The following MOCOS variants were observed in gnomAD, a reference collection of about 807,000 sequenced individuals.
MOCOS encodes human molybdenum cofactor sulfurase.
A neutral mutation model predicts 83.6 loss-of-function variants in MOCOS; 86 were observed. The observed-to-expected ratio is 1.03, with a 90% CI of 0.86 to 1.23. The LOEUF is 1.23. Ranked by LOEUF, MOCOS falls within the 50% of genes most tolerant of loss-of-function variation. MOCOS has a pLI of 0.00. For missense variants in MOCOS, 1,120 were observed against 1,126.9 expected, an observed-to-expected ratio of 0.99 and a Z score of 0.09; for synonymous variants, 445 against 434.7, an observed-to-expected ratio of 1.02 and a Z score of -0.29.
intron 9 of MOCOS, among the ~76,000 whole-genome samples, chr18:36,223,686 A>C (rs571123819): frequency 6.6e-6 from 1 of 152,204 alleles, no homozygotes; most frequent in Non-Finnish European, 1.5e-5. Context: ...TTTGGGCTCT[A>C]TAGACATTTT....
At chr18:36,264,322 G>C (rs1251169579) in intron 13 of MOCOS, among the ~76,000 whole-genome samples, 1 of 152,208 alleles carries the variant, frequency 6.6e-6, no homozygotes, top group African/African-American at 2.4e-5. Context: ...GGCTGCTAGA[G>C]GCTGGGGCTG....
chr18:36,195,734 G>A (rs1375151068), intron 2 of MOCOS, among the ~76,000 whole-genome samples: 1 of 152,252 alleles, frequency 6.6e-6, no homozygotes, highest in East Asian at 1.9e-4. Flanking sequence ...GTGGGGGACA[G>A]TGCTATAATG....
At chr18:36,196,020 C>G (rs1217246802) in intron 2 of MOCOS, among the ~76,000 whole-genome samples, 1 of 152,210 alleles carries the variant, frequency 6.6e-6, no homozygotes, top group Non-Finnish European at 1.5e-5. Flanking sequence ...AGGGTAACAG[C>G]CTGAGCCAAG....
rs1271005105 is a variant in MOCOS at position 36,257,067 on chromosome 18, A to G, written c.2264A>G (p.Asn755Ser). 53 of 1,612,990 alleles carry G rather than the reference A, an allele frequency of 3.3e-5. No homozygotes were observed. The highest frequency in any genetic ancestry group is 4.3e-5 in the Non-Finnish European group (51 of 1,179,078). Reference protein sequence around the residue: ...SSILELHRQLNTSDENGKEEL... With the variant: ...SSILELHRQLSTSDENGKEEL... ...ATTTTGGAACTTCACCGGCAACTAA[A>G]CACCAGGTAAGACCTCATACCTCGG... is the stretch of plus-strand genomic sequence containing the variant. Residue 755 changes from asparagine (N) to serine (S), a missense_variant, in exon 12 of 15, where the codon AAC becomes AGC. Coordinates refer to ENST00000261326, the MANE Select transcript of MOCOS (RefSeq NM_017947.4).
At chr18:36,246,044 A>G (rs2091600961) in intron 9 of MOCOS, among the ~76,000 whole-genome samples, 1 of 151,636 alleles carries the variant, frequency 6.6e-6, no homozygotes, top group African/African-American at 2.4e-5. Context: ...ATTTTTTTAA[A>G]TTTCTTTAAA....
Position 36,199,930 on chromosome 18 carries a change from C to G in MOCOS, c.547C>G (p.Arg183Gly), listed in dbSNP as rs149743314. The G allele has an allele frequency of 1.2e-6, 2 of 1,614,078 alleles. No individual in the cohort carries two copies. The highest frequency in any genetic ancestry group is 2.7e-5 in the African/African-American group (2 of 74,934). The change falls in exon 4 of 15, where the codon CGT becomes GGT. Residue 183 changes from arginine to glycine, a missense_variant. Physicochemically the swap from Arg to Gly is moderately radical, Grantham distance 125. Transcript: ENST00000261326. ...RPEDLWSAEE[R>G]SASASNPDCQ... ...AGAGGACCTGTGGTCTGCAGAGGAA[C>G]GTAGTGCTTCAGCCAGCAACCCAGA...
chr18:36,242,523 T>G (rs1305576910), intron 9 of MOCOS, among the ~76,000 whole-genome samples: 1 of 152,214 alleles, frequency 6.6e-6, no homozygotes, highest in Non-Finnish European at 1.5e-5. Flanking sequence ...AGTATCTTTG[T>G]AGCCATGCCC....
intron 6 of MOCOS, 22 bp downstream of exon 6, chr18:36,205,298 C>A: frequency 6.3e-7 from 1 of 1,599,908 alleles, no homozygotes; most frequent in Non-Finnish European, 8.6e-7. Context: ...TTCCATCCTG[C>A]TGACTTTATT....
chr18:36,233,496 A>G (rs1249522064), intron 9 of MOCOS, among the ~76,000 whole-genome samples: 1 of 152,198 alleles, frequency 6.6e-6, no homozygotes, highest in Non-Finnish European at 1.5e-5. Flanking sequence ...TGCTATAAAC[A>G]TATGTGCACA....
chr18:36,258,415 C>T (rs948798927), intron 12 of MOCOS, among the ~76,000 whole-genome samples: 2 of 152,100 alleles, frequency 1.3e-5, no homozygotes, highest in African/African-American at 4.8e-5. Flanking sequence ...GAGAGTTGAT[C>T]CAGAATCAAA....
At chr18:36,241,834 G>A (rs753597262) in intron 9 of MOCOS, among the ~76,000 whole-genome samples, 59 of 152,344 alleles carry the variant, frequency 3.9e-4, no homozygotes, top group Admixed American at 9.1e-4. Flanking sequence ...AAGCCACCAA[G>A]GCTTGGGGCT....
intron 11 of MOCOS, 80 bp downstream of exon 11, chr18:36,251,363 A>G: frequency 1.3e-6 from 2 of 1,548,938 alleles, no homozygotes; most frequent in African/African-American, 1.4e-5. Flanking sequence ...CATGAACTGC[A>G]CTTACGGGTG....
In MOCOS at chr18:36,251,251, CT is replaced by C. The variant is rs2091620698; in HGVS notation, c.2133del (p.Gln712LysfsTer23). On this transcript the variant is annotated frameshift_variant, in exon 11 of 15. Transcript: ENST00000261326. LOFTEE classifies it high-confidence loss of function. ...PCHLIKQSSN[S>X]QRNAKKKHGK... is the part of the protein sequence containing the mutation. ...CATTTGATCAAACAAAGTTCAAACTCTCAAAGGAATGCAAAGAAGAAACATG... is the reference window on the plus strand; with the variant it reads ...CATTTGATCAAACAAAGTTCAAACTCCAAAGGAATGCAAAGAAGAAACATG... 6.2e-7 allele frequency: 1 copy of C among 1,614,050 alleles called. No homozygotes were observed. Among genetic ancestry groups the C allele is most frequent in the African/African-American group, 1.3e-5 (1 of 75,012 alleles).
At chr18:36,225,967 C>A (rs1323800318) in intron 9 of MOCOS, among the ~76,000 whole-genome samples, 1 of 148,948 alleles carries the variant, frequency 6.7e-6, no homozygotes, top group Non-Finnish European at 1.5e-5. Context: ...TAAGACCTAA[C>A]ATGATCTATC....
intron 9 of MOCOS, among the ~76,000 whole-genome samples, chr18:36,232,216 C>T (rs2091541046): frequency 6.6e-6 from 1 of 152,190 alleles, no homozygotes; most frequent in Non-Finnish European, 1.5e-5. Flanking sequence ...CTCAAGCGAT[C>T]CACCTGCCTC....
rs1458307743 is a variant in MOCOS, at chr18:36,269,372, A to T, written c.*687A>T. On this transcript the variant is annotated 3_prime_UTR_variant, in exon 15 of 15. Transcript: ENST00000261326. Reference sequence around the variant, plus strand: ...GTTACACTCAGTGATGGCTGTGCTTATGCAGGTTGTCATCCTCCCCTCCAC... The same window carrying T: ...GTTACACTCAGTGATGGCTGTGCTTTTGCAGGTTGTCATCCTCCCCTCCAC... The T allele has an allele frequency of 3.3e-5, 5 of 152,760 alleles. No individual in the cohort carries two copies. The highest frequency in any genetic ancestry group is 1.2e-4 in the African/African-American group (5 of 41,446). 9.5% of individuals were successfully genotyped at this position (152,760 alleles called of 1,614,324 possible). A position where few individuals can be genotyped will look rare whatever the true frequency, so the allele number is the denominator to read the frequency against.
At chr18:36,257,317 G>A (rs1322146812) in intron 12 of MOCOS, among the ~76,000 whole-genome samples, 1 of 152,108 alleles carries the variant, frequency 6.6e-6, no homozygotes, top group Non-Finnish European at 1.5e-5. Flanking sequence ...ATGGTTAATG[G>A]AGAACCCCTA....
chr18:36,228,194 G>T (rs536302250), intron 9 of MOCOS, among the ~76,000 whole-genome samples: 1 of 152,194 alleles, frequency 6.6e-6, no homozygotes, highest in Non-Finnish European at 1.5e-5. Flanking sequence ...TGCTGATGAG[G>T]TTGTGGAGAA....
intron 4 of MOCOS, among the ~76,000 whole-genome samples, chr18:36,201,459 C>T (rs542824563): frequency 2.0e-5 from 3 of 151,910 alleles, no homozygotes; most frequent in East Asian, 1.9e-4. Context: ...GTCAGGAGTT[C>T]GAGACCAGCC....
Sources: gnomAD v4.1 joint callset for allele counts (sites outside exome capture counted in the v4.1 genomes callset) on GRCh38, gnomAD v4.1.1 for gene constraint, MANE v1.5 for transcripts, NCBI Gene and HGNC (gene_info 2026-07-23, HGNC 2026-07-21) for gene names.